DMD: variants seen among roughly 807,000 people sequenced by gnomAD.
The protein encoded by DMD is mutant dystrophin.
Under a neutral mutation model 330.1 loss-of-function variants are expected in DMD, and 63 were observed. The observed-to-expected ratio is 0.19, with a 90% CI of 0.16 to 0.24. The LOEUF (loss-of-function observed/expected upper bound fraction) is 0.24, where lower values mean the gene tolerates loss of function less well. DMD is among the 10% of genes least tolerant of loss of function. The pLI, the probability that DMD is intolerant of heterozygous loss-of-function variation, is 1.00. For missense variants in DMD, 3,344 were observed against 2,684.1 expected, an observed-to-expected ratio of 1.25 and a Z score of -5.43; for synonymous variants, 1,223 against 959.8, an observed-to-expected ratio of 1.27 and a Z score of -5.07.
chrX:32,345,919 A>G (rs1262483827), intron 39 of DMD, 24 bp downstream of exon 39: 3 of 1,201,825 alleles, frequency 2.5e-6, no homozygotes, highest in African/African-American at 1.8e-5. Flanking sequence ...CAGGCAAGGT[A>G]TATTATAATT....
At chrX:31,305,725 G>C (rs1461192521) in intron 62 of DMD, among the ~76,000 whole-genome samples, 1 of 112,157 alleles carries the variant, frequency 8.9e-6, no homozygotes, top group Non-Finnish European at 1.9e-5. Flanking sequence ...CAAAGCACCA[G>C]CAAAAAACCA....
At chrX:32,673,305 C>A (rs867752996) in intron 9 of DMD, among the ~76,000 whole-genome samples, 2 of 111,124 alleles carry the variant, frequency 1.8e-5, no homozygotes, top group Admixed American at 9.6e-5. Flanking sequence ...CTATTTTATC[C>A]TAAGTCATGT....
In DMD at chrX:32,622,187, C is replaced by A. The variant is rs139332479; in HGVS notation, c.1332-7734G>T. Among the ~76,000 whole-genome samples the A allele has an allele frequency of 1.6e-3, 175 of 111,340 alleles. 1 individual carries two copies. Among genetic ancestry groups the A allele is most frequent in the African/African-American group, 5.5e-3 (169 of 30,640 alleles). ...CAGAGAGAAGTGTGACTGCCAACTG[C>A]CAAAGAATGGGTTCTACCTGAGGCT... On this transcript the variant is annotated intron_variant, in intron 11 of 78. Coordinates refer to ENST00000357033, the MANE Select transcript of DMD (RefSeq NM_004006.3).
At chrX:31,891,216 C>T (rs1330919569) in intron 47 of DMD, among the ~76,000 whole-genome samples, 2 of 111,479 alleles carry the variant, frequency 1.8e-5, no homozygotes, top group Non-Finnish European at 3.8e-5. Context: ...GCTTTACTAG[C>T]TGTGTGACGG....
At chrX:32,040,518 T>C (rs2072866515) in intron 44 of DMD, among the ~76,000 whole-genome samples, 1 of 111,752 alleles carries the variant, frequency 8.9e-6, no homozygotes, top group Non-Finnish European at 1.9e-5. Context: ...TTGAAAACCA[T>C]ACCTTAAGAA....
At chrX:32,280,591 G>A (rs185600951) in intron 43 of DMD, among the ~76,000 whole-genome samples, 266 of 111,328 alleles carry the variant, frequency 2.4e-3, no homozygotes, top group African/African-American at 7.5e-3. Flanking sequence ...CATCCTGTAT[G>A]TGCTTATCAT....
chrX:32,808,711 TATC>T (rs1288114725), intron 7 of DMD, among the ~76,000 whole-genome samples: 1 of 112,098 alleles, frequency 8.9e-6, no homozygotes, highest in Non-Finnish European at 1.9e-5. Context: ...TCTACCCAAA[TATC>T]ATCTTCAATC....
intron 7 of DMD, among the ~76,000 whole-genome samples, chrX:32,775,001 T>C (rs1361186650): frequency 3.6e-5 from 4 of 112,312 alleles, no homozygotes; most frequent in African/African-American, 1.3e-4. Context: ...ATTGGGTAAA[T>C]GTTTCCATTC....
chrX:31,280,305 G>A lies in DMD; in HGVS notation c.9225-19289C>T, dbSNP rs16989492. 2.8e-3 allele frequency among the ~76,000 whole-genome samples: 314 copies of A among 111,973 alleles called. 1 individual carries two copies. Among genetic ancestry groups the A allele is most frequent in the Middle Eastern group, 0.014 (3 of 219 alleles). ...TCTTATTCATAATATCCTCAAGCTG[G>A]AAACAAAATCATTATGCTGAATATA... On this transcript the variant is annotated intron_variant, in intron 62 of 78. Coordinates refer to ENST00000357033, the MANE Select transcript of DMD (RefSeq NM_004006.3).
chrX:33,166,758 T>C (rs1251653867), intron 1 of DMD, among the ~76,000 whole-genome samples: 2 of 109,710 alleles, frequency 1.8e-5, no homozygotes, highest in Admixed American at 2.0e-4. Flanking sequence ...TGAATATACA[T>C]ACATACATAT....
At chrX:33,145,565 A>T (rs73190224) in intron 1 of DMD, among the ~76,000 whole-genome samples, 8,562 of 110,353 alleles carry the variant, frequency 0.078, 362 homozygotes, top group South Asian at 0.21. Flanking sequence ...ATCATTGAAG[A>T]TCTGAGTTTC....
At chrX:32,059,550 T>C (rs1024463365) in intron 44 of DMD, among the ~76,000 whole-genome samples, 7 of 112,075 alleles carry the variant, frequency 6.2e-5, no homozygotes, top group Non-Finnish European at 1.3e-4. Flanking sequence ...CAGTGTGAGA[T>C]CATTGTGAAC....
intron 51 of DMD, among the ~76,000 whole-genome samples, chrX:31,746,256 G>A (rs1185046558): frequency 1.8e-5 from 2 of 112,153 alleles, no homozygotes; most frequent in East Asian, 5.6e-4. Flanking sequence ...TAGATGGGAA[G>A]TGAAGTGAAG....
chrX:32,922,992 C>T (rs181785687), intron 2 of DMD, among the ~76,000 whole-genome samples: 221 of 111,486 alleles, frequency 2.0e-3, no homozygotes, highest in African/African-American at 6.8e-3. Context: ...TACATAAATA[C>T]CAAATATGAA....
intron 1 of DMD, among the ~76,000 whole-genome samples, chrX:33,045,875 GAGA>G (rs1569551391): frequency 9.0e-6 from 1 of 111,519 alleles, no homozygotes; most frequent in Non-Finnish European, 1.9e-5. Context: ...GTCGGTGCTT[GAGA>G]AGGTCATGGA....
chrX:31,367,228 C>A (rs1395813112), intron 60 of DMD, among the ~76,000 whole-genome samples: 1 of 110,933 alleles, frequency 9.0e-6, no homozygotes, highest in African/African-American at 3.3e-5. Flanking sequence ...CTTTATAGCT[C>A]GGAAATTTGT....
At chrX:31,619,769 C>G (rs2078422585) in intron 55 of DMD, among the ~76,000 whole-genome samples, 1 of 111,931 alleles carries the variant, frequency 8.9e-6, no homozygotes, top group Non-Finnish European at 1.9e-5. Context: ...AATGTAATGG[C>G]AACATCCAGA....
chrX:31,695,349 T>C (rs952383860), intron 52 of DMD, among the ~76,000 whole-genome samples: 8 of 110,486 alleles, frequency 7.2e-5, no homozygotes, highest in African/African-American at 2.6e-4. Flanking sequence ...GAGTAAGACC[T>C]AGTATTTGAT....
chrX:33,282,875 T>A (rs994989337), intron 1 of DMD, among the ~76,000 whole-genome samples: 2 of 112,052 alleles, frequency 1.8e-5, no homozygotes, highest in Non-Finnish European at 3.8e-5. Flanking sequence ...TAGGGGCACA[T>A]ATGAGAATGT....
Sources: allele counts gnomAD v4.1 joint callset (sites outside exome capture counted in the v4.1 genomes callset), GRCh38; gene constraint gnomAD v4.1.1; transcripts MANE v1.5; gene names NCBI Gene and HGNC (gene_info 2026-07-23, HGNC 2026-07-21).